ST14: variants seen among roughly 807,000 people sequenced by gnomAD.
ST14 encodes the protein ST14 transmembrane serine protease matriptase.
In ST14, 40 loss-of-function variants were observed where a neutral mutation model predicts 96.5. The observed-to-expected ratio is 0.41, with a 90% CI of 0.32 to 0.54. The LOEUF is 0.54. ST14 is among the 20% of genes least tolerant of loss of function. The pLI is 0.17. For missense variants in ST14, 1,066 were observed against 1,188.9 expected, an observed-to-expected ratio of 0.90 and a Z score of 1.52; for synonymous variants, 506 against 492.1, an observed-to-expected ratio of 1.03 and a Z score of -0.37.
chr11:130,161,814 G>C (rs537766253), intron 1 of ST14, among the ~76,000 whole-genome samples: 1 of 152,326 alleles, frequency 6.6e-6, no homozygotes, highest in African/African-American at 2.4e-5. Flanking sequence ...GTGAAGGGAA[G>C]GCTCTCAGAG....
chr11:130,159,999 G>A lies in ST14; in HGVS notation c.20G>A (p.Arg7His), dbSNP rs865979295. 2.8e-6 allele frequency: 4 copies of A among 1,411,426 alleles called. No homozygotes were observed. Among genetic ancestry groups the A allele is most frequent in the African/African-American group, 1.5e-5 (1 of 66,940 alleles). 87.4% of individuals were successfully genotyped at this position (1,411,426 alleles called of 1,614,324 possible). The change falls in exon 1 of 19, where the codon CGC becomes CAC. Residue 7 changes from arginine (R) to histidine (H), a missense_variant. By Grantham distance (29) the Arg-to-His change is conservative. Coordinates refer to ENST00000278742, the MANE Select transcript of ST14 (RefSeq NM_021978.4). Reference protein sequence around the residue: MGSDRARKGGGGPKDFG... With the variant: MGSDRAHKGGGGPKDFG... The stretch of plus-strand genomic sequence containing the variant: ...GGGACCATGGGGAGCGATCGGGCCC[G>A]CAAGGGCGGAGGGGGCCCGAAGGAC...
chr11:130,164,373 G>C (rs1353065763), intron 1 of ST14, among the ~76,000 whole-genome samples: 1 of 151,738 alleles, frequency 6.6e-6, no homozygotes, highest in East Asian at 1.9e-4. Context: ...GGTCTTACTA[G>C]TCTTTGAGAC....
At chr11:130,193,535 T>G (rs1295642670) in intron 7 of ST14, among the ~76,000 whole-genome samples, 1 of 151,780 alleles carries the variant, frequency 6.6e-6, no homozygotes, top group Non-Finnish European at 1.5e-5. Flanking sequence ...GGTGGTGCGA[T>G]CTCGGCTCAC....
intron 10 of ST14, 38 bp from the exon 11 acceptor site, chr11:130,196,532 G>T (rs779287405): frequency 1.1e-4 from 171 of 1,539,550 alleles, no homozygotes; most frequent in Non-Finnish European, 1.5e-4. Context: ...CCGGCTCCCA[G>T]CTGTCCCTCC....
chr11:130,166,731 G>C (rs1195437660), intron 1 of ST14, among the ~76,000 whole-genome samples: 1 of 152,212 alleles, frequency 6.6e-6, no homozygotes, highest in African/African-American at 2.4e-5. Flanking sequence ...CAGAAACCAC[G>C]AGACCCAGAG....
intron 7 of ST14, among the ~76,000 whole-genome samples, chr11:130,191,654 C>T (rs1953302659): frequency 1.4e-5 from 2 of 145,658 alleles, no homozygotes; most frequent in South Asian, 2.1e-4. Context: ...CGTACCACTA[C>T]ACTCCAGCCT....
At chr11:130,186,657 C>T (rs1953240596) in intron 1 of ST14, among the ~76,000 whole-genome samples, 1 of 152,100 alleles carries the variant, frequency 6.6e-6, no homozygotes, top group African/African-American at 2.4e-5. Context: ...AATATTTTCA[C>T]AGGCTAATAA....
rs1417046407 is a variant in ST14, at chr11:130,188,085, T to C, written c.82-29T>C. The C allele has an allele frequency of 6.2e-7, 1 of 1,612,796 alleles. No homozygotes were observed. The highest frequency in any genetic ancestry group is 1.3e-5 in the African/African-American group (1 of 74,730). On this transcript the variant is annotated intron_variant, in intron 1 of 18. Transcript: ENST00000278742. This position sits in a 1 kb window ranked among gnomAD's most constrained non-coding sequence, Gnocchi z 5.4. Reference sequence around the variant, plus strand: ...TGCAGGGGAAGAGCGGGTGAGAGGGTCTGAGTGGTGGCGCCTCTCTCCCTG... The same window carrying C: ...TGCAGGGGAAGAGCGGGTGAGAGGGCCTGAGTGGTGGCGCCTCTCTCCCTG...
rs371005131 is a variant in ST14, at chr11:130,190,481, G to C, written c.662G>C (p.Arg221Pro). ...DNSCSFGLHA[R>P]GVELMRFTTP... is the part of the protein sequence containing the mutation. ...AGCTGCAGCTTTGGCCTGCACGCCCGCGGTGTGGAGCTGATGCGCTTCACC... is the reference window on the plus strand; with the variant it reads ...AGCTGCAGCTTTGGCCTGCACGCCCCCGGTGTGGAGCTGATGCGCTTCACC... Residue 221 changes from arginine (R) to proline (P), a missense_variant, in exon 7 of 19, where the codon CGC becomes CCC. Arg to Pro is a moderately radical substitution (Grantham distance 103). Coordinates refer to ENST00000278742, the MANE Select transcript of ST14 (RefSeq NM_021978.4). 3 of 1,607,604 alleles carry C rather than the reference G, an allele frequency of 1.9e-6. No individual in the cohort carries two copies. The highest frequency in any genetic ancestry group is 2.5e-6 in the Non-Finnish European group (3 of 1,179,884).
chr11:130,175,021 G>A (rs1314703479), intron 1 of ST14, among the ~76,000 whole-genome samples: 2 of 152,204 alleles, frequency 1.3e-5, no homozygotes, highest in Admixed American at 6.5e-5. Flanking sequence ...TCTGCATGCC[G>A]AGAGAGCATT....
At chr11:130,168,381 G>A (rs1238909525) in intron 1 of ST14, among the ~76,000 whole-genome samples, 1 of 152,178 alleles carries the variant, frequency 6.6e-6, no homozygotes, top group East Asian at 1.9e-4. Context: ...AATGATCAGA[G>A]GAGTTGAGCA....
At chr11:130,208,145 T>A (rs898658665) in intron 16 of ST14, among the ~76,000 whole-genome samples, 1 of 152,158 alleles carries the variant, frequency 6.6e-6, no homozygotes, top group Non-Finnish European at 1.5e-5. Flanking sequence ...ATCAGGTTCG[T>A]AAGATAACTA....
chr11:130,190,427 G>C (rs766668707), intron 6 of ST14, 27 bp from the exon 7 acceptor site: 1 of 1,604,484 alleles, frequency 6.2e-7, no homozygotes, highest in Middle Eastern at 1.7e-4. Flanking sequence ...GCCCCCACAC[G>C]TGCCCTCCTT....
chr11:130,190,739 T>A, intron 7 of ST14, 45 bp downstream of exon 7: 1 of 1,529,376 alleles, frequency 6.5e-7, no homozygotes, highest in Non-Finnish European at 8.8e-7. Flanking sequence ...GCTTGGCGGC[T>A]GCCCTGTAGG....
At chr11:130,201,013 G>T (rs989329212) in intron 16 of ST14, among the ~76,000 whole-genome samples, 2 of 152,244 alleles carry the variant, frequency 1.3e-5, no homozygotes, top group Non-Finnish European at 2.9e-5. Context: ...CAATGATAGT[G>T]ACAGTATCAG....
intron 6 of ST14, 91 bp from the exon 7 acceptor site, chr11:130,190,363 C>G: frequency 6.3e-7 from 1 of 1,585,078 alleles, no homozygotes; most frequent in Admixed American, 1.7e-5. Context: ...GGGGCGAGGC[C>G]TGAGGTCCAC....
chr11:130,194,067 C>A (rs1329660709), intron 7 of ST14, 82 bp from the exon 8 acceptor site: 2 of 1,584,896 alleles, frequency 1.3e-6, no homozygotes, highest in Non-Finnish European at 1.7e-6. Flanking sequence ...CCTCAGGCAC[C>A]TCTGCCTGAG....
chr11:130,189,984 C>G (rs1266743196), intron 5 of ST14, 88 bp downstream of exon 5: 13 of 1,610,242 alleles, frequency 8.1e-6, no homozygotes, highest in Non-Finnish European at 5.1e-6. Context: ...GGGACCGGCA[C>G]TCCCAGGGCC....
At chr11:130,190,296 T>C in intron 6 of ST14, 148 bp downstream of exon 6, 4 of 1,476,022 alleles carry the variant, frequency 2.7e-6, no homozygotes, top group East Asian at 2.3e-5. Context: ...TCCAGGCCCT[T>C]CTGAGAAGCC....
Sources: allele counts gnomAD v4.1 joint callset (sites outside exome capture counted in the v4.1 genomes callset), GRCh38; gene constraint gnomAD v4.1.1; non-coding constraint Gnocchi (gnomAD v3.1); transcripts MANE v1.5; gene names NCBI Gene and HGNC (gene_info 2026-07-23, HGNC 2026-07-21).